The following SPIDR variants were observed in gnomAD, a reference collection of about 807,000 sequenced individuals.
The protein encoded by SPIDR is DNA repair-scaffolding protein.
A neutral mutation model predicts 104.6 loss-of-function variants in SPIDR; 93 were observed. The observed-to-expected ratio is 0.89, with a 90% CI of 0.75 to 1.06. The LOEUF (loss-of-function observed/expected upper bound fraction) is 1.06, where lower values mean the gene tolerates loss of function less well. Among genes scored for constraint, SPIDR ranks in the 50% least tolerant of loss-of-function variants. The pLI is 0.00. For synonymous variants in SPIDR, 431 were observed against 416.9 expected, an observed-to-expected ratio of 1.03 and a Z score of -0.41; for missense variants, 1,154 against 1,111.2, an observed-to-expected ratio of 1.04 and a Z score of -0.55.
intron 10 of SPIDR, among the ~76,000 whole-genome samples, chr8:47,669,870 T>C (rs917036531): frequency 1.3e-5 from 2 of 152,004 alleles, no homozygotes; most frequent in African/African-American, 4.8e-5. Flanking sequence ...CGTGGTGGCA[T>C]ACACCTATAG....
chr8:47,426,654 A>G (rs2066463420), intron 7 of SPIDR, among the ~76,000 whole-genome samples: 2 of 152,236 alleles, frequency 1.3e-5, no homozygotes, highest in African/African-American at 4.8e-5. Context: ...CACAGACTGG[A>G]TAATTGATAA....
chr8:47,444,183 A>G (rs2070073239), intron 8 of SPIDR, among the ~76,000 whole-genome samples: 2 of 152,236 alleles, frequency 1.3e-5, no homozygotes, highest in South Asian at 2.1e-4. Flanking sequence ...CCAAAGAAAC[A>G]TCTCACCACT....
intron 8 of SPIDR, among the ~76,000 whole-genome samples, chr8:47,479,511 C>G (rs1440351112): frequency 3.9e-5 from 6 of 152,218 alleles, no homozygotes; most frequent in African/African-American, 7.2e-5. Flanking sequence ...AAACAGGCTC[C>G]TGTGGTGAGC....
intron 8 of SPIDR, among the ~76,000 whole-genome samples, chr8:47,460,715 G>T (rs1335131215): frequency 2.0e-5 from 3 of 152,058 alleles, no homozygotes; most frequent in African/African-American, 7.2e-5. Flanking sequence ...GTATACCTTG[G>T]TGGCTTTTTT....
intron 10 of SPIDR, among the ~76,000 whole-genome samples, chr8:47,635,174 TA>T (rs879796915): frequency 6.5e-4 from 94 of 143,828 alleles, no homozygotes; most frequent in Admixed American, 7.7e-4. Flanking sequence ...TGTCTCTACT[TA>T]AAAAAAAAAA....
rs117333252 is a variant in SPIDR at position 47,311,148 on chromosome 8, T to G, written c.525+17118T>G. ...CTAGGTAAAAGGACTAAATGAAAAT[T>G]CTATAGGTAAAAAATACAATATTTC... is the stretch of plus-strand genomic sequence containing the variant. On this transcript the variant is annotated intron_variant, in intron 5 of 19. Transcript: ENST00000297423. 2.2e-3 allele frequency among the ~76,000 whole-genome samples: 332 copies of G among 152,208 alleles called. 1 individual carries two copies. Among genetic ancestry groups the G allele is most frequent in the Non-Finnish European group, 3.5e-3 (240 of 68,018 alleles).
intron 7 of SPIDR, among the ~76,000 whole-genome samples, chr8:47,422,423 A>T (rs368497807): frequency 6.6e-6 from 1 of 152,186 alleles, no homozygotes; most frequent in Non-Finnish European, 1.5e-5. Context: ...GCGGGATACA[A>T]TCTCCTGGTG....
intron 11 of SPIDR, among the ~76,000 whole-genome samples, chr8:47,676,341 A>G (rs1302360205): frequency 6.6e-6 from 1 of 152,166 alleles, no homozygotes; most frequent in Non-Finnish European, 1.5e-5. Flanking sequence ...TATTTTATAT[A>G]TTTAATTATA....
In SPIDR at chr8:47,505,217, C is replaced by T. The variant is rs528688120; in HGVS notation, c.1097+64675C>T. Among the ~76,000 whole-genome samples the T allele has an allele frequency of 6.8e-4, 104 of 152,310 alleles. 1 individual carries two copies. Among genetic ancestry groups the T allele is most frequent in the African/African-American group, 2.4e-3 (99 of 41,574 alleles). ...TCTGCTGTCTTTTGTTTGGCTATGT[C>T]CTGCCCCCAGAGGTGGAGGCTACAG... On this transcript the variant is annotated intron_variant, in intron 8 of 19. Transcript: ENST00000297423.
chr8:47,390,904 A>G (rs183898276), intron 5 of SPIDR, among the ~76,000 whole-genome samples: 23 of 152,286 alleles, frequency 1.5e-4, no homozygotes, highest in Non-Finnish European at 2.4e-4. Context: ...ACAATGTAGA[A>G]AGGAAATATA....
chr8:47,420,186 C>G (rs1171196936), intron 7 of SPIDR, among the ~76,000 whole-genome samples: 2 of 152,078 alleles, frequency 1.3e-5, no homozygotes, highest in African/African-American at 4.8e-5. Context: ...CTTTGTGTCT[C>G]GTTGATCTGT....
chr8:47,605,050 A>G (rs967529650), intron 10 of SPIDR, among the ~76,000 whole-genome samples: 1 of 152,246 alleles, frequency 6.6e-6, no homozygotes, highest in Non-Finnish European at 1.5e-5. Context: ...CCAAGTCTAC[A>G]GCCAGGGCTG....
chr8:47,634,065 A>G (rs1370500317), intron 10 of SPIDR, among the ~76,000 whole-genome samples: 1 of 151,768 alleles, frequency 6.6e-6, no homozygotes, highest in African/African-American at 2.4e-5. Flanking sequence ...ACTGCACCCC[A>G]GCCTGCGTGA....
At chr8:47,381,243 T>C (rs1008188823) in intron 5 of SPIDR, among the ~76,000 whole-genome samples, 1 of 152,224 alleles carries the variant, frequency 6.6e-6, no homozygotes, top group Non-Finnish European at 1.5e-5. Context: ...ATGTGTTACA[T>C]GAATAAATTT....
intron 7 of SPIDR, among the ~76,000 whole-genome samples, chr8:47,412,412 T>G (rs1366178479): frequency 6.6e-6 from 1 of 152,206 alleles, no homozygotes; most frequent in Admixed American, 6.5e-5. Context: ...GCTTCAGGCA[T>G]ATTGGTTGGA....
chr8:47,504,292 C>G (rs2081099448), intron 8 of SPIDR, among the ~76,000 whole-genome samples: 1 of 152,186 alleles, frequency 6.6e-6, no homozygotes, highest in South Asian at 2.1e-4. Context: ...TAGATTTGGT[C>G]TTTTCACATA....
At chr8:47,337,489 C>CT (rs201149348) in intron 5 of SPIDR, among the ~76,000 whole-genome samples, 16 of 151,186 alleles carry the variant, frequency 1.1e-4, no homozygotes, top group South Asian at 8.4e-4. Context: ...GTGTACAAGT[C>CT]TTTTTTTTTC....
At chr8:47,487,429 A>T (rs2077850762) in intron 8 of SPIDR, among the ~76,000 whole-genome samples, 1 of 152,206 alleles carries the variant, frequency 6.6e-6, no homozygotes, top group Non-Finnish European at 1.5e-5. Flanking sequence ...CCCCACTGTC[A>T]ACATTAGACA....
At chr8:47,402,399 T>C (rs555905541) in intron 6 of SPIDR, among the ~76,000 whole-genome samples, 1 of 152,222 alleles carries the variant, frequency 6.6e-6, no homozygotes, top group African/African-American at 2.4e-5. Flanking sequence ...CTTCAAAAAA[T>C]CAGTGAATCC....
Sources: allele counts gnomAD v4.1 joint callset (sites outside exome capture counted in the v4.1 genomes callset), GRCh38; gene constraint gnomAD v4.1.1; transcripts MANE v1.5; gene names NCBI Gene and HGNC (gene_info 2026-07-23, HGNC 2026-07-21).